Variants in CHAD observed in about 807,000 individuals in gnomAD.
The protein encoded by CHAD is chondroadherin, also known as cartilage leucine-rich protein.
CHAD carries 18 observed loss-of-function variants against 24.0 expected under a neutral mutation model. The observed-to-expected ratio is 0.75, with a 90% CI of 0.52 to 1.11. The LOEUF (loss-of-function observed/expected upper bound fraction) is 1.11, where lower values mean the gene tolerates loss of function less well. Among genes scored for constraint, CHAD ranks in the 50% most tolerant of loss-of-function variants. The pLI, the probability that CHAD is intolerant of heterozygous loss-of-function variation, is 0.00. For missense variants in CHAD, 440 were observed against 467.2 expected (o/e 0.94, Z 0.54); for synonymous variants, 195 against 211.6 (o/e 0.92, Z 0.68).
intron 1 of CHAD, among the ~76,000 whole-genome samples, chr17:50,466,723 C>A (rs780567346): frequency 6.6e-6 from 1 of 152,220 alleles, no homozygotes; most frequent in Admixed American, 6.5e-5. Context: ...CTTGGTGGAG[C>A]CTTTGGCCAG....
chr17:50,464,762 A>G lies in CHAD; in HGVS notation c.*292T>C. ...TGATGACCAACCTGTTGTGGTTCTG[A>G]TTGACTTGGGGGGGGGGTCTCAGCA... is the stretch of plus-strand genomic sequence containing the variant. On this transcript the variant is annotated 3_prime_UTR_variant, in exon 4 of 4. Coordinates refer to ENST00000508540, the MANE Select transcript of CHAD (RefSeq NM_001267.3). The G allele has an allele frequency of 5.8e-6, 1 of 171,650 alleles. No individual in the cohort carries two copies. The highest frequency in any genetic ancestry group is 1.1e-5 in the Non-Finnish European group (1 of 92,748). 10.6% of individuals were successfully genotyped at this position (171,650 alleles called of 1,614,324 possible). A position where few individuals can be genotyped will look rare whatever the true frequency, so the allele number is the denominator to read the frequency against.
Position 50,464,769 on chromosome 17 carries a change from T to TG in CHAD, c.*284dup, listed in dbSNP as rs368836827. The TG allele has an allele frequency of 0.038, 6,490 of 169,286 alleles. 204 individuals carry two copies. The highest frequency in any genetic ancestry group is 0.058 in the African/African-American group (1,422 of 24,628). The allele number at this position is 169,286 out of a possible 1,614,324, so 10.5% of individuals were successfully genotyped here. A position where few individuals can be genotyped will look rare whatever the true frequency, so the allele number is the denominator to read the frequency against. ...CAACCTGTTGTGGTTCTGATTGACT[T>TG]GGGGGGGGGGTCTCAGCAACAGCTT... On this transcript the variant is annotated 3_prime_UTR_variant, in exon 4 of 4. Transcript: ENST00000508540.
chr17:50,468,551 C>CG lies in CHAD; in HGVS notation c.262dup (p.Arg88ProfsTer22), dbSNP rs1467505264. ...GCGGAAGGCACCGGCGGCCACCTCG[C>CG]GGATCTGGCAGTGCTGCAGGTGCAA... On this transcript the variant is annotated frameshift_variant, in exon 1 of 4. Transcript: ENST00000508540. LOFTEE classifies it high-confidence loss of function. 2.5e-6 allele frequency: 4 copies of CG among 1,614,120 alleles called. No homozygotes were observed. In the African/African-American group the frequency reaches 5.3e-5, roughly 22 times the overall value.
Position 50,468,243 on chromosome 17 carries a change from G to C in CHAD, c.571C>G (p.Leu191Val), listed in dbSNP as rs142798033. ...TTGGCGAGGTTCTCCACGTCGTCCA[G>C]GGCCCCGGGCTGCAGGGAGCTCAAC... ...NALSSLQPGA[L>V]DDVENLAKFH... Residue 191 changes from leucine to valine, a missense_variant, in exon 1 of 4, where the codon CTG becomes GTG. Coordinates refer to ENST00000508540, the MANE Select transcript of CHAD (RefSeq NM_001267.3). The C allele has an allele frequency of 4.3e-4, 694 of 1,612,020 alleles. 2 individuals carry two copies. The African/African-American group carries it at 8.1e-3, about 19-fold the overall frequency.
chr17:50,465,590 G>T, intron 2 of CHAD, 117 bp downstream of exon 2: 1 of 1,470,816 alleles, frequency 6.8e-7, no homozygotes, highest in Non-Finnish European at 9.4e-7. Flanking sequence ...GGCTCCCAGG[G>T]TCCCATGCTT....
At position 50,468,569 on chromosome 17, in the gene CHAD, A is replaced by C. The variant is rs750324201; in HGVS notation, c.245T>G (p.Leu82Arg). Residue 82 changes from leucine to arginine, a missense_variant, in exon 1 of 4, where the codon CTG (leucine) becomes CGG (arginine). Transcript: ENST00000508540. ...RAMPNLVSLHLQHCQIREVAA... is the reference protein window; with the variant it reads ...RAMPNLVSLHRQHCQIREVAA... ...CACCTCGCGGATCTGGCAGTGCTGC[A>C]GGTGCAATGACACGAGGTTCGGCAT... is the stretch of plus-strand genomic sequence containing the variant. 4.3e-6 allele frequency: 7 copies of C among 1,614,114 alleles called. No individual in the cohort carries two copies. Among genetic ancestry groups the C allele is most frequent in the East Asian group, 2.2e-5 (1 of 44,896 alleles).
At chr17:50,465,974 A>G (rs1272565702) in intron 1 of CHAD, 104 bp from the exon 2 acceptor site, 11 of 1,297,064 alleles carry the variant, frequency 8.5e-6, no homozygotes, top group African/African-American at 4.4e-5. Flanking sequence ...CCTGAGCCAT[A>G]GCACTTTGAG....
In CHAD at chr17:50,465,061, C is replaced by A; in HGVS notation, c.*5-12G>T. On this transcript the variant is annotated splice_polypyrimidine_tract_variant and intron_variant, in intron 3 of 3. Coordinates refer to ENST00000508540, the MANE Select transcript of CHAD (RefSeq NM_001267.3). Reference sequence around the variant, plus strand: ...GGCTGGGTCAGAACCTGCAAAGAGGCAAAGATCGATGTCAGTACTCCAACA... The same window carrying A: ...GGCTGGGTCAGAACCTGCAAAGAGGAAAAGATCGATGTCAGTACTCCAACA... The A allele has an allele frequency of 1.8e-6, 1 of 554,740 alleles. No individual in the cohort carries two copies. Among genetic ancestry groups the A allele is most frequent in the Non-Finnish European group, 3.2e-6 (1 of 311,944 alleles). 34.4% of individuals were successfully genotyped at this position (554,740 alleles called of 1,614,324 possible).
At chr17:50,465,505 A>G (rs781776508) in intron 2 of CHAD, 66 bp from the exon 3 acceptor site, 95 of 1,582,184 alleles carry the variant, frequency 6.0e-5, no homozygotes, top group Non-Finnish European at 7.7e-5. Flanking sequence ...AGGGCAGTGA[A>G]CTATGGGGCC....
intron 1 of CHAD, 122 bp downstream of exon 1, chr17:50,467,918 T>G (rs995192156): frequency 3.1e-5 from 31 of 1,000,044 alleles, no homozygotes; most frequent in Non-Finnish European, 4.1e-5. Context: ...CTGCTCACCT[T>G]GGAGATAGCC....
At position 50,468,376 on chromosome 17, in the gene CHAD, C is replaced by T. The variant is rs749134619; in HGVS notation, c.438G>A (p.Leu146=). 4 of 1,614,042 alleles carry T rather than the reference C, an allele frequency of 2.5e-6. No homozygotes were observed. The highest frequency in any genetic ancestry group is 2.7e-5 in the African/African-American group (2 of 74,928). ...TGAGCTGCAAGATGAAGAGGTTGAC[C>T]AGCGGGGAGAGCAACCCCCGGGGCA... ...TELPRGLLSP[L]VNLFILQLNN... is the part of the protein sequence containing the mutation. Residue 146 remains leucine, a synonymous_variant, in exon 1 of 4, where the codon CTG becomes CTA. Coordinates refer to ENST00000508540, the MANE Select transcript of CHAD (RefSeq NM_001267.3).
Position 50,465,874 on chromosome 17 carries a change from G to C in CHAD, c.775-4C>G. The C allele has an allele frequency of 6.2e-7, 1 of 1,613,158 alleles. No individual in the cohort carries two copies. The highest frequency in any genetic ancestry group is 8.5e-7 in the Non-Finnish European group (1 of 1,179,572). ...CCAGGAAGGCACCATCTGAGAACTG[G>C]GGAGCAAGGTGGGAGCAAGGTGGGA... On this transcript the variant is annotated splice_region_variant and splice_polypyrimidine_tract_variant and intron_variant, in intron 1 of 3. Transcript: ENST00000508540.
intron 1 of CHAD, among the ~76,000 whole-genome samples, chr17:50,467,053 A>G (rs140738086): frequency 2.6e-5 from 4 of 152,312 alleles, no homozygotes; most frequent in Admixed American, 2.6e-4. Context: ...TCCAGTAACC[A>G]GACTCTCCTC....
At chr17:50,465,187 G>T in intron 3 of CHAD, 107 bp downstream of exon 3, 1 of 1,337,304 alleles carries the variant, frequency 7.5e-7, no homozygotes, top group Non-Finnish European at 1.0e-6. Context: ...TGTAAAAATG[G>T]AGGGTCTGCC....
chr17:50,467,507 A>G (rs1478778636), intron 1 of CHAD, among the ~76,000 whole-genome samples: 2 of 152,106 alleles, frequency 1.3e-5, no homozygotes, highest in Non-Finnish European at 2.9e-5. Flanking sequence ...GGCATGGAGA[A>G]TGTCTTCCTC....
intron 1 of CHAD, among the ~76,000 whole-genome samples, chr17:50,466,925 G>A (rs1442308374): frequency 6.6e-6 from 1 of 152,218 alleles, no homozygotes; most frequent in African/African-American, 2.4e-5. Flanking sequence ...GCTGAAGAAG[G>A]GCAGGCTTGA....
Position 50,468,577 on chromosome 17 carries a change from T to C in CHAD, c.237A>G (p.Ser79=), listed in dbSNP as rs1203520417. The part of the protein sequence containing the change: ...NSFRAMPNLV[S]LHLQHCQIRE... ...GGATCTGGCAGTGCTGCAGGTGCAA[T>C]GACACGAGGTTCGGCATGGCCCGGA... is the stretch of plus-strand genomic sequence containing the variant. Residue 79 remains serine (S), a synonymous_variant, in exon 1 of 4, where the codon TCA becomes TCG. Coordinates refer to ENST00000508540, the MANE Select transcript of CHAD (RefSeq NM_001267.3). The C allele has an allele frequency of 6.2e-7, 1 of 1,614,062 alleles. No individual in the cohort carries two copies. The highest frequency in any genetic ancestry group is 1.3e-5 in the African/African-American group (1 of 74,942).
At chr17:50,467,659 T>C (rs1293251585) in intron 1 of CHAD, among the ~76,000 whole-genome samples, 2 of 152,060 alleles carry the variant, frequency 1.3e-5, no homozygotes, top group Admixed American at 6.5e-5. Flanking sequence ...CCTTCCTTTA[T>C]GGGGTGGTAG....
Position 50,468,295 on chromosome 17 carries a change from C to G in CHAD, c.519G>C (p.Leu173=). 1 of 1,613,650 alleles carries G rather than the reference C, an allele frequency of 6.2e-7. No homozygotes were observed. Among genetic ancestry groups the G allele is most frequent in the Non-Finnish European group, 8.5e-7 (1 of 1,179,618 alleles). The change falls in exon 1 of 4, where the codon CTG becomes CTC. Residue 173 remains leucine, a synonymous_variant. Coordinates refer to ENST00000508540, the MANE Select transcript of CHAD (RefSeq NM_001267.3). ...RAGAFQGAKD[L]RWLYLSENAL... ...CGTTTTCCGACAGGTAGAGCCAGCG[C>G]AGGTCCTTGGCTCCCTGGAAGGCGC... is the stretch of plus-strand genomic sequence containing the variant.
Sources: allele counts gnomAD v4.1 joint callset (sites outside exome capture counted in the v4.1 genomes callset), GRCh38; gene constraint gnomAD v4.1.1; transcripts MANE v1.5; gene names NCBI Gene and HGNC (gene_info 2026-07-23, HGNC 2026-07-21).